MICU2: variants seen among roughly 807,000 people sequenced by gnomAD.
MICU2 encodes the protein calcium uptake protein 2, mitochondrial.
Under a neutral mutation model 60.4 loss-of-function variants are expected in MICU2, and 64 were observed. The observed-to-expected ratio is 1.06, with a 90% CI of 0.87 to 1.31. The LOEUF (loss-of-function observed/expected upper bound fraction) is 1.31, where lower values mean the gene tolerates loss of function less well. Ranked by LOEUF, MICU2 falls within the 50% of genes most tolerant of loss-of-function variation. MICU2 has a pLI of 0.00. For synonymous variants in MICU2, 201 were observed against 175.0 expected (o/e 1.15, Z -1.17); for missense variants, 569 against 531.0 (o/e 1.07, Z -0.70).
chr13:21,559,553 C>T (rs1263248667), intron 2 of MICU2, among the ~76,000 whole-genome samples: 34 of 147,380 alleles, frequency 2.3e-4, no homozygotes, highest in Non-Finnish European at 4.5e-5. Flanking sequence ...GAGACAGAGT[C>T]TTGCTCTGTT....
intron 4 of MICU2, among the ~76,000 whole-genome samples, chr13:21,523,946 C>T (rs112774218): frequency 1.3e-5 from 2 of 152,252 alleles, no homozygotes; most frequent in East Asian, 1.9e-4. Flanking sequence ...TCTTTAATTG[C>T]CAGATCTGGA....
At chr13:21,517,664 C>T (rs1242934406) in intron 6 of MICU2, among the ~76,000 whole-genome samples, 1 of 151,996 alleles carries the variant, frequency 6.6e-6, no homozygotes, top group Non-Finnish European at 1.5e-5. Flanking sequence ...GTAATCCCAG[C>T]TACTCGAGAG....
chr13:21,604,105 C>T lies in MICU2; in HGVS notation c.44G>A (p.Gly15Asp), dbSNP rs867580763. The T allele has an allele frequency of 6.3e-7, 1 of 1,584,608 alleles. No homozygotes were observed. Among genetic ancestry groups the T allele is most frequent in the Non-Finnish European group, 8.6e-7 (1 of 1,167,504 alleles). The change falls in exon 1 of 12, where the codon GGC becomes GAC. Residue 15 changes from glycine (G) to aspartate (D), a missense_variant. Transcript: ENST00000382374. ...AGSCARVAAW[G>D]GKLRRGLAVS... ...AGCGAGCCCCCGTCGCAGTTTTCCG[C>T]CCCAGGCCGCCACCCGCGCGCAGCT...
At chr13:21,518,166 T>TTTA in intron 6 of MICU2, among the ~76,000 whole-genome samples, 1 of 152,334 alleles carries the variant, frequency 6.6e-6, no homozygotes, top group East Asian at 1.9e-4. Context: ...AAATTCAGCA[T>TTTA]GTTAAGCTAT....
At chr13:21,510,288 G>A (rs1201675584) in intron 7 of MICU2, among the ~76,000 whole-genome samples, 187 bp from the exon 8 acceptor site, 3 of 152,138 alleles carry the variant, frequency 2.0e-5, no homozygotes, top group African/African-American at 7.2e-5. Context: ...CATAACCATC[G>A]TTGTTCAAGT....
In MICU2 at chr13:21,591,458, G is replaced by C. The variant is rs9506711; in HGVS notation, c.210+12481C>G. ...TTTTAACACCCCACTGTCAGTATTG[G>C]ATAGATCAATGAGACAGAAAATTAA... On this transcript the variant is annotated intron_variant, in intron 1 of 11. Coordinates refer to ENST00000382374, the MANE Select transcript of MICU2 (RefSeq NM_152726.3). Among the ~76,000 whole-genome samples the C allele has an allele frequency of 6.5e-3, 995 of 152,242 alleles. 4 individuals are homozygous for C. The highest frequency in any genetic ancestry group is 0.01 in the Non-Finnish European group (689 of 68,014).
intron 8 of MICU2, among the ~76,000 whole-genome samples, chr13:21,504,528 TC>T (rs768235651): frequency 3.8e-4 from 58 of 152,350 alleles, no homozygotes; most frequent in Admixed American, 3.9e-4. Flanking sequence ...ATGATGATAA[TC>T]TTTTCCCTTT....
intron 2 of MICU2, among the ~76,000 whole-genome samples, chr13:21,559,944 A>G: frequency 6.6e-6 from 1 of 152,226 alleles, no homozygotes. Flanking sequence ...ATATAAAATT[A>G]TATCTTATTG....
intron 1 of MICU2, among the ~76,000 whole-genome samples, chr13:21,576,345 G>C (rs745859347): frequency 2.6e-5 from 4 of 152,086 alleles, no homozygotes; most frequent in Admixed American, 6.6e-5. Flanking sequence ...CTAATTTCAG[G>C]AATCTTATGT....
chr13:21,567,805 A>C (rs1888020256), intron 1 of MICU2, among the ~76,000 whole-genome samples: 4 of 152,326 alleles, frequency 2.6e-5, no homozygotes, highest in Admixed American at 2.6e-4. Context: ...AACTTTGAGC[A>C]GTAGATACAG....
At chr13:21,582,008 T>C (rs80203400) in intron 1 of MICU2, among the ~76,000 whole-genome samples, 35 of 152,360 alleles carry the variant, frequency 2.3e-4, no homozygotes, top group Non-Finnish European at 5.1e-4. Flanking sequence ...TTTTCCTGGA[T>C]GTGGCAACAA....
chr13:21,531,030 G>A, intron 4 of MICU2: 1 of 888,172 alleles, frequency 1.1e-6, no homozygotes, highest in Non-Finnish European at 1.9e-6. Context: ...CTATTTGAAA[G>A]GGATTTTGCA....
At chr13:21,525,181 ATTTTTTTTTTTTTTTTTTT>A (rs71093324) in intron 4 of MICU2, among the ~76,000 whole-genome samples, 1 of 83,300 alleles carries the variant, frequency 1.2e-5, no homozygotes, top group Non-Finnish European at 2.2e-5. Context: ...GTGTAATTCA[ATTTTTTTTTTTTTTTTTTT>A]TTTTTTTTTT....
chr13:21,594,674 T>C (rs1343029617), intron 1 of MICU2, among the ~76,000 whole-genome samples: 2 of 152,192 alleles, frequency 1.3e-5, no homozygotes, highest in East Asian at 1.9e-4. Flanking sequence ...GTGGTACATA[T>C]ATACCATACA....
intron 9 of MICU2, among the ~76,000 whole-genome samples, chr13:21,501,889 A>G (rs1406987989): frequency 2.0e-5 from 3 of 152,184 alleles, no homozygotes; most frequent in Non-Finnish European, 4.4e-5. Flanking sequence ...CTAGACCTCT[A>G]TGCGGACAGA....
chr13:21,501,192 TGTCA>T (rs1886141639), intron 9 of MICU2, among the ~76,000 whole-genome samples: 1 of 152,198 alleles, frequency 6.6e-6, no homozygotes. Context: ...TCAAATTCAT[TGTCA>T]GTAACAAACT....
chr13:21,500,134 C>A (rs1463122302), intron 9 of MICU2, among the ~76,000 whole-genome samples: 1 of 131,752 alleles, frequency 7.6e-6, no homozygotes, highest in African/African-American at 2.6e-5. Flanking sequence ...GCAGCATCTA[C>A]CTGGGCCTCT....
chr13:21,604,088 C>T lies in MICU2; in HGVS notation c.61G>A (p.Gly21Arg). The T allele has an allele frequency of 1.3e-6, 2 of 1,595,744 alleles. No homozygotes were observed. The highest frequency in any genetic ancestry group is 1.7e-6 in the Non-Finnish European group (2 of 1,172,856). The stretch of plus-strand genomic sequence containing the variant: ...ACAGCCTGTCGGCTGACAGCGAGCC[C>T]CCGTCGCAGTTTTCCGCCCCAGGCC... ...VAAWGGKLRR[G>R]LAVSRQAVRS... The change falls in exon 1 of 12, where the codon GGG (glycine) becomes AGG (arginine). Residue 21 changes from glycine (G) to arginine (R), a missense_variant. Coordinates refer to ENST00000382374, the MANE Select transcript of MICU2 (RefSeq NM_152726.3).
chr13:21,572,178 T>A (rs1252264708), intron 1 of MICU2, among the ~76,000 whole-genome samples: 1 of 152,190 alleles, frequency 6.6e-6, no homozygotes. Flanking sequence ...AGAAAAATAA[T>A]ACAAAACAGT....
Sources: allele counts gnomAD v4.1 joint callset (sites outside exome capture counted in the v4.1 genomes callset), GRCh38; gene constraint gnomAD v4.1.1; transcripts MANE v1.5; gene names NCBI Gene and HGNC (gene_info 2026-07-23, HGNC 2026-07-21).